FANK1: variants seen among roughly 807,000 people sequenced by gnomAD.
FANK1 encodes fibronectin type III and ankyrin repeat domains 1.
Under a neutral mutation model 45.3 loss-of-function variants are expected in FANK1, and 44 were observed. The observed-to-expected ratio is 0.97, with a 90% CI of 0.76 to 1.25. The LOEUF (loss-of-function observed/expected upper bound fraction) is 1.25. Among genes scored for constraint, FANK1 ranks in the 50% most tolerant of loss-of-function variants. The pLI is 0.00. For missense variants in FANK1, 391 were observed against 424.4 expected (o/e 0.92, Z 0.69); for synonymous variants, 149 against 152.5 (o/e 0.98, Z 0.17).
In FANK1 at chr10:125,919,195, ATTTTTTTT is replaced by A. The variant is rs142716284; in HGVS notation, c.13+22561_13+22568del. ...AGTAAAATACTTCCAGGAGGTAAGA[ATTTTTTTT>A]TTTTTTTTTTTTTTTTTTTTGTGAC... On this transcript the variant is annotated intron_variant, in intron 1 of 10. Transcript: ENST00000368693. Among the ~76,000 whole-genome samples, 372 of 51,890 alleles carry A rather than the reference ATTTTTTTT, an allele frequency of 7.2e-3. 7 individuals carry two copies. The highest frequency in any genetic ancestry group is 0.056 in the Middle Eastern group (3 of 54). 34.0% of individuals were successfully genotyped at this position (51,890 alleles called of 152,430 possible).
chr10:125,921,712 C>T (rs796345475), intron 1 of FANK1, among the ~76,000 whole-genome samples: 2 of 152,080 alleles, frequency 1.3e-5, no homozygotes, highest in African/African-American at 4.8e-5. Flanking sequence ...ATCTATTTCA[C>T]CTAATTTGTA....
Position 126,004,923 on chromosome 10 carries a change from G to C in FANK1, c.579G>C (p.Val193=), listed in dbSNP as rs1224786218. The change falls in exon 7 of 11, where the codon GTG becomes GTC. Residue 193 remains valine, a synonymous_variant. Coordinates refer to ENST00000368693, the MANE Select transcript of FANK1 (RefSeq NM_145235.5). ...GCTATGCGGGACACCTAGATGTTGTGAAATATCTCCGAAGACATGGCGCTT... is the reference window on the plus strand; with the variant it reads ...GCTATGCGGGACACCTAGATGTTGTCAAATATCTCCGAAGACATGGCGCTT... The part of the protein sequence containing the change: ...LACYAGHLDV[V]KYLRRHGASW... 6.2e-7 allele frequency: 1 copy of C among 1,614,174 alleles called. No homozygotes were observed. Among genetic ancestry groups the C allele is most frequent in the East Asian group, 2.2e-5 (1 of 44,880 alleles).
intron 1 of FANK1, among the ~76,000 whole-genome samples, chr10:125,968,079 T>A (rs1449422238): frequency 6.6e-6 from 1 of 151,720 alleles, no homozygotes; most frequent in Non-Finnish European, 1.5e-5. Context: ...TTTAATTTCT[T>A]CTTTTTTTTT....
At chr10:125,917,475 A>T (rs1946537438) in intron 1 of FANK1, among the ~76,000 whole-genome samples, 1 of 152,210 alleles carries the variant, frequency 6.6e-6, no homozygotes, top group South Asian at 2.1e-4. Context: ...GTCCTCTGAT[A>T]ATATAAAACC....
rs1355442702 is a variant in FANK1 at position 125,997,634 on chromosome 10, T to A, written c.539+149T>A. ...GTGGGTCGCTGAGGAAAGATGGTGATCACAAAAGCTGGCTTGCTCACATGG... is the reference window on the plus strand; with the variant it reads ...GTGGGTCGCTGAGGAAAGATGGTGAACACAAAAGCTGGCTTGCTCACATGG... On this transcript the variant is annotated intron_variant, in intron 6 of 10. Coordinates refer to ENST00000368693, the MANE Select transcript of FANK1 (RefSeq NM_145235.5). 2.3e-5 allele frequency: 16 copies of A among 690,932 alleles called. No homozygotes were observed. In the East Asian group the frequency reaches 4.2e-4, roughly 18 times the overall value. The allele number at this position is 690,932 out of a possible 1,614,324, so 42.8% of individuals were successfully genotyped here.
intron 1 of FANK1, among the ~76,000 whole-genome samples, chr10:125,939,045 T>C (rs1948283643): frequency 6.6e-6 from 1 of 152,156 alleles, no homozygotes; most frequent in African/African-American, 2.4e-5. Flanking sequence ...GTGGAAAATA[T>C]ACAGTATCAT....
chr10:125,993,165 T>C (rs1952062097), intron 3 of FANK1, among the ~76,000 whole-genome samples: 1 of 152,246 alleles, frequency 6.6e-6, no homozygotes, highest in South Asian at 2.1e-4. Context: ...TTTAGGATAC[T>C]ACACATTGTA....
At chr10:125,927,887 C>A (rs1032240456) in intron 1 of FANK1, among the ~76,000 whole-genome samples, 4 of 152,148 alleles carry the variant, frequency 2.6e-5, no homozygotes, top group African/African-American at 9.7e-5. Flanking sequence ...CACGTGTGTA[C>A]TTTAATTTGA....
At chr10:125,989,213 G>C (rs1590187322) in intron 3 of FANK1, 1 of 1,442,734 alleles carries the variant, frequency 6.9e-7, no homozygotes, top group East Asian at 2.5e-5. Context: ...CCTTCAGCCG[G>C]CTGAGTTTTA....
In FANK1 at chr10:125,997,619, G is replaced by C; in HGVS notation, c.539+134G>C. The C allele has an allele frequency of 2.7e-6, 2 of 749,150 alleles. 1 individual carries two copies. 46.4% of individuals were successfully genotyped at this position (749,150 alleles called of 1,614,324 possible). On this transcript the variant is annotated intron_variant, in intron 6 of 10. Coordinates refer to ENST00000368693, the MANE Select transcript of FANK1 (RefSeq NM_145235.5). ...AGTCCTGAGAGGTGAGTGGGTCGCT[G>C]AGGAAAGATGGTGATCACAAAAGCT... is the stretch of plus-strand genomic sequence containing the variant.
chr10:125,901,949 G>C (rs77073966), intron 1 of FANK1, among the ~76,000 whole-genome samples: 1 of 151,030 alleles, frequency 6.6e-6, no homozygotes, highest in African/African-American at 2.4e-5. Context: ...GCGAAACCCC[G>C]TCTCTACTAA....
intron 3 of FANK1, 128 bp downstream of exon 3, chr10:125,988,803 C>A: frequency 7.0e-7 from 1 of 1,429,524 alleles, no homozygotes; most frequent in Non-Finnish European, 9.8e-7. Context: ...TTAAACACTG[C>A]AATAATATTT....
At position 125,971,390 on chromosome 10, in the gene FANK1, C is replaced by T. The variant is rs564778695; in HGVS notation, c.14-8771C>T. Among the ~76,000 whole-genome samples the T allele has an allele frequency of 5.3e-5, 8 of 152,022 alleles. No homozygotes were observed. In the South Asian group the frequency reaches 1.7e-3, roughly 32 times the overall value. ...CCTGGACTGGGCTCCTGAAGGTCAG[C>T]AGCCTCCCTGACCTCGGTGCTATAA... On this transcript the variant is annotated intron_variant, in intron 1 of 10. Coordinates refer to ENST00000368693, the MANE Select transcript of FANK1 (RefSeq NM_145235.5).
chr10:125,969,833 C>T (rs535361167), intron 1 of FANK1, among the ~76,000 whole-genome samples: 6 of 152,156 alleles, frequency 3.9e-5, no homozygotes, highest in South Asian at 4.2e-4. Flanking sequence ...TGACTCTTAA[C>T]GAGCATGCTG....
intron 1 of FANK1, among the ~76,000 whole-genome samples, chr10:125,902,922 T>C (rs1345091362): frequency 2.0e-5 from 3 of 152,290 alleles, no homozygotes; most frequent in Non-Finnish European, 2.9e-5. Context: ...TCAAATCTTA[T>C]CAAGAAATAA....
intron 1 of FANK1, among the ~76,000 whole-genome samples, chr10:125,923,691 C>T (rs992845446): frequency 1.3e-5 from 2 of 151,876 alleles, no homozygotes; most frequent in African/African-American, 4.8e-5. Flanking sequence ...CCATGCCCAG[C>T]TAATTTTTGT....
At chr10:125,944,266 A>G (rs1948631080) in intron 1 of FANK1, among the ~76,000 whole-genome samples, 1 of 152,194 alleles carries the variant, frequency 6.6e-6, no homozygotes, top group African/African-American at 2.4e-5. Context: ...TTTATTTTGT[A>G]CATATTTTCC....
intron 1 of FANK1, among the ~76,000 whole-genome samples, chr10:125,970,626 A>G (rs1465993527): frequency 6.6e-6 from 1 of 152,210 alleles, no homozygotes; most frequent in Non-Finnish European, 1.5e-5. Flanking sequence ...CAGCCGGGCC[A>G]ACACGGCGAA....
chr10:125,949,377 C>G (rs1251478338), intron 1 of FANK1, among the ~76,000 whole-genome samples: 1 of 152,038 alleles, frequency 6.6e-6, no homozygotes, highest in Non-Finnish European at 1.5e-5. Context: ...ACCCCATTGT[C>G]TCAGCCCAAA....
Sources: allele counts gnomAD v4.1 joint callset (sites outside exome capture counted in the v4.1 genomes callset), GRCh38; gene constraint gnomAD v4.1.1; transcripts MANE v1.5; gene names NCBI Gene and HGNC (gene_info 2026-07-23, HGNC 2026-07-21).